Variants in KCNQ1OT1 observed in about 807,000 individuals in gnomAD.
KCNQ1OT1 encodes the protein KCNQ1 opposite strand/antisense transcript 1.
Position 2,659,531 on chromosome 11 carries a change from A to G in KCNQ1OT1, n.40464T>C. On this transcript the variant is annotated non_coding_transcript_exon_variant, in exon 1 of 1. Transcript: ENST00000597346. This position sits in a 1 kb window ranked among gnomAD's most constrained non-coding sequence, Gnocchi z 4.3. Reference sequence around the variant, plus strand: ...GTTGAAGGACATCTTCATTGTTTCCAGTATTTGGTAATTATGAGCAGAGTT... The same window carrying G: ...GTTGAAGGACATCTTCATTGTTTCCGGTATTTGGTAATTATGAGCAGAGTT... 2.5e-6 allele frequency: 1 copy of G among 398,526 alleles called. No homozygotes were observed. Among genetic ancestry groups the G allele is most frequent in the East Asian group, 3.6e-5 (1 of 28,050 alleles). 24.7% of individuals were successfully genotyped at this position (398,526 alleles called of 1,614,324 possible). A position where few individuals can be genotyped will look rare whatever the true frequency, so the allele number is the denominator to read the frequency against.
chr11:2,640,632 G>A (rs1849559132), exon 1 of KCNQ1OT1: 2 of 397,592 alleles, frequency 5.0e-6, no homozygotes, highest in Non-Finnish European at 8.9e-6. Context: ...TGCATCGAAT[G>A]TGTAATGATC....
At chr11:2,686,173 G>A in exon 1 of KCNQ1OT1, 1 of 398,918 alleles carries the variant, frequency 2.5e-6, no homozygotes, top group East Asian at 3.6e-5. Flanking sequence ...TGAGAGCACA[G>A]CAATGCCTAC....
rs1292080598 is a variant in KCNQ1OT1 at position 2,642,614 on chromosome 11, G to A, written n.57381C>T. ...GTTATTTTGTTTCTTTTCAAAAACC[G>A]ATTTTGCATTTCATTGATCCTTTAT... On this transcript the variant is annotated non_coding_transcript_exon_variant, in exon 1 of 1. Transcript: ENST00000597346. The surrounding 1 kb of genome is among the most constrained non-coding windows in gnomAD (Gnocchi z 4.3). 7.5e-6 allele frequency: 3 copies of A among 397,664 alleles called. No individual in the cohort carries two copies. The highest frequency in any genetic ancestry group is 7.2e-5 in the East Asian group (2 of 27,916). 24.6% of individuals were successfully genotyped at this position (397,664 alleles called of 1,614,324 possible). A position where few individuals can be genotyped will look rare whatever the true frequency, so the allele number is the denominator to read the frequency against.
In KCNQ1OT1 at chr11:2,663,820, G is replaced by C. The variant is rs1850013231; in HGVS notation, n.36175C>G. ...ACCACTATGGGGGTGAGGGCTGCCA[G>C]TGCTGGTATCAGCACATGCCAAGCT... On this transcript the variant is annotated non_coding_transcript_exon_variant, in exon 1 of 1. Transcript: ENST00000597346. The surrounding 1 kb of genome is among the most constrained non-coding windows in gnomAD (Gnocchi z 5.2). The C allele has an allele frequency of 1.3e-5, 5 of 398,472 alleles. No homozygotes were observed. The Admixed American group carries it at 1.3e-4, about 11-fold the overall frequency. 24.7% of individuals were successfully genotyped at this position (398,472 alleles called of 1,614,324 possible). A position where few individuals can be genotyped will look rare whatever the true frequency, so the allele number is the denominator to read the frequency against.
rs1564847436 is a variant in KCNQ1OT1, at chr11:2,657,533, C to T, written n.42462G>A. 1 of 398,528 alleles carries T rather than the reference C, an allele frequency of 2.5e-6. No individual in the cohort carries two copies. The highest frequency in any genetic ancestry group is 4.4e-6 in the Non-Finnish European group (1 of 226,046). 24.7% of individuals were successfully genotyped at this position (398,528 alleles called of 1,614,324 possible). A position where few individuals can be genotyped will look rare whatever the true frequency, so the allele number is the denominator to read the frequency against. On this transcript the variant is annotated non_coding_transcript_exon_variant, in exon 1 of 1. Transcript: ENST00000597346. This position sits in a 1 kb window ranked among gnomAD's most constrained non-coding sequence, Gnocchi z 4.8. ...GAGAAACAAAAATAGTACCGAGTAC[C>T]CACATCCCTTTCACCAGCTTCCCCT...
Position 2,651,835 on chromosome 11 carries a change from C to T in KCNQ1OT1, n.48160G>A, listed in dbSNP as rs1849760816. ...TGGAATGGAGCCCACAGGACCATACCAGACAGATGCCACCACATCTTTTCT... is the reference window on the plus strand; with the variant it reads ...TGGAATGGAGCCCACAGGACCATACTAGACAGATGCCACCACATCTTTTCT... On this transcript the variant is annotated non_coding_transcript_exon_variant, in exon 1 of 1. Transcript: ENST00000597346. This position sits in a 1 kb window ranked among gnomAD's most constrained non-coding sequence, Gnocchi z 6.1. The T allele has an allele frequency of 1.0e-5, 4 of 398,524 alleles. No individual in the cohort carries two copies. In the East Asian group the frequency reaches 1.4e-4, roughly 14 times the overall value. 24.7% of individuals were successfully genotyped at this position (398,524 alleles called of 1,614,324 possible).
In KCNQ1OT1 at chr11:2,623,046, G is replaced by C; in HGVS notation, n.76949C>G. On this transcript the variant is annotated non_coding_transcript_exon_variant, in exon 1 of 1. Coordinates refer to ENST00000597346, the Ensembl canonical transcript of KCNQ1OT1. This position sits in a 1 kb window ranked among gnomAD's most constrained non-coding sequence, Gnocchi z 5.2. ...TGTCAGGGGAGGGGCCTGGTGGGGGGCAAACTTCCCCCTTGCTGTTCTCAT... is the reference window on the plus strand; with the variant it reads ...TGTCAGGGGAGGGGCCTGGTGGGGGCCAAACTTCCCCCTTGCTGTTCTCAT... 2.5e-6 allele frequency: 1 copy of C among 398,632 alleles called. No homozygotes were observed. The highest frequency in any genetic ancestry group is 4.4e-6 in the Non-Finnish European group (1 of 226,126). The allele number at this position is 398,632 out of a possible 1,614,324, so 24.7% of individuals were successfully genotyped here.
At chr11:2,618,124 C>T (rs185216188) in exon 1 of KCNQ1OT1, 35 of 398,366 alleles carry the variant, frequency 8.8e-5, no homozygotes, top group African/African-American at 7.0e-4. Context: ...GAGCTTTTCC[C>T]CTATGTTTTC....
chr11:2,686,364 G>A (rs968889377), exon 1 of KCNQ1OT1: 1 of 398,506 alleles, frequency 2.5e-6, no homozygotes, highest in African/African-American at 2.1e-5. Context: ...TGCTCACTTG[G>A]GCTTATCAGC....
At position 2,624,836 on chromosome 11, in the gene KCNQ1OT1, G is replaced by T; in HGVS notation, n.75159C>A. On this transcript the variant is annotated non_coding_transcript_exon_variant, in exon 1 of 1. Coordinates refer to ENST00000597346, the Ensembl canonical transcript of KCNQ1OT1. The surrounding 1 kb of genome is among the most constrained non-coding windows in gnomAD (Gnocchi z 4.9). ...TACCTCATATAAGTGGAAACATACAGTACTTCTCTTCTTGTGACTGCTGTA... is the reference window on the plus strand; with the variant it reads ...TACCTCATATAAGTGGAAACATACATTACTTCTCTTCTTGTGACTGCTGTA... 2.5e-6 allele frequency: 1 copy of T among 398,484 alleles called. No homozygotes were observed. The highest frequency in any genetic ancestry group is 3.6e-5 in the East Asian group (1 of 28,066). 24.7% of individuals were successfully genotyped at this position (398,484 alleles called of 1,614,324 possible). A position where few individuals can be genotyped will look rare whatever the true frequency, so the allele number is the denominator to read the frequency against.
Position 2,612,506 on chromosome 11 carries a change from C to T in KCNQ1OT1, n.87489G>A, listed in dbSNP as rs1848997930. 1 of 398,464 alleles carries T rather than the reference C, an allele frequency of 2.5e-6. No homozygotes were observed. Among genetic ancestry groups the T allele is most frequent in the Non-Finnish European group, 4.4e-6 (1 of 226,070 alleles). 24.7% of individuals were successfully genotyped at this position (398,464 alleles called of 1,614,324 possible). A position where few individuals can be genotyped will look rare whatever the true frequency, so the allele number is the denominator to read the frequency against. On this transcript the variant is annotated non_coding_transcript_exon_variant, in exon 1 of 1. Coordinates refer to ENST00000597346, the Ensembl canonical transcript of KCNQ1OT1. The surrounding 1 kb of genome is among the most constrained non-coding windows in gnomAD (Gnocchi z 5.5). ...CGTTGAAGTTCATTGATTCTTTCTT[C>T]TGCCAGGTCAAATTTGCTTAGCCGC...
chr11:2,699,889 CCACGCTGAGAGGCACCCCGGCAGAAT>C (rs1850764193), exon 1 of KCNQ1OT1: 1 of 398,370 alleles, frequency 2.5e-6, no homozygotes. Context: ...CCGGGGAGGA[CCACGCTGAGAGGCACCCCGGCAGAAT>C]CGCGCTGAGG....
At chr11:2,616,752 T>C (rs1849071464) in exon 1 of KCNQ1OT1, 1 of 398,172 alleles carries the variant, frequency 2.5e-6, no homozygotes, top group South Asian at 1.3e-4. Flanking sequence ...AGAGAAGATA[T>C]TTTGTATGAT....
chr11:2,636,820 T>C (rs11529576), exon 1 of KCNQ1OT1: 1 of 152,196 alleles, frequency 6.6e-6, no homozygotes, highest in Non-Finnish European at 1.5e-5. Flanking sequence ...GGTCCTGGAC[T>C]TTTTTTGGTT....
Position 2,659,676 on chromosome 11 carries a change from A to T in KCNQ1OT1, n.40319T>A, listed in dbSNP as rs570671393. ...TAACTTAATAAGAAATTGCTAAACT[A>T]TTTCCTAAAGTCACTGTGCCATTTT... On this transcript the variant is annotated non_coding_transcript_exon_variant, in exon 1 of 1. Coordinates refer to ENST00000597346, the Ensembl canonical transcript of KCNQ1OT1. The surrounding 1 kb of genome is among the most constrained non-coding windows in gnomAD (Gnocchi z 4.3). 4 of 398,510 alleles carry T rather than the reference A, an allele frequency of 1.0e-5. No homozygotes were observed. The South Asian group carries it at 5.1e-4, about 51-fold the overall frequency. 24.7% of individuals were successfully genotyped at this position (398,510 alleles called of 1,614,324 possible).
At chr11:2,630,238 G>C in exon 1 of KCNQ1OT1, 1 of 398,060 alleles carries the variant, frequency 2.5e-6, no homozygotes, top group Non-Finnish European at 4.4e-6. Flanking sequence ...ACACTTAACT[G>C]TCCTTATGTA....
In KCNQ1OT1 at chr11:2,623,889, C is replaced by A. The variant is rs1347025146; in HGVS notation, n.76106G>T. ...TCTTCGGGGGATATGTATACACATT[C>A]AGAAGTGGAATTGATGGATCCTATG... On this transcript the variant is annotated non_coding_transcript_exon_variant, in exon 1 of 1. Coordinates refer to ENST00000597346, the Ensembl canonical transcript of KCNQ1OT1. The surrounding 1 kb of genome is among the most constrained non-coding windows in gnomAD (Gnocchi z 5.2). 1 of 398,452 alleles carries A rather than the reference C, an allele frequency of 2.5e-6. No homozygotes were observed. Among genetic ancestry groups the A allele is most frequent in the Non-Finnish European group, 4.4e-6 (1 of 226,058 alleles). The allele number at this position is 398,452 out of a possible 1,614,324, so 24.7% of individuals were successfully genotyped here.
At chr11:2,609,443 T>C (rs1025158609) in exon 1 of KCNQ1OT1, 1 of 398,336 alleles carries the variant, frequency 2.5e-6, no homozygotes, top group African/African-American at 2.1e-5. Flanking sequence ...ACTTAGCATA[T>C]GGTCCTTCTT....
At position 2,645,854 on chromosome 11, in the gene KCNQ1OT1, G is replaced by T; in HGVS notation, n.54141C>A. 2.5e-6 allele frequency: 1 copy of T among 398,654 alleles called. No homozygotes were observed. The highest frequency in any genetic ancestry group is 1.3e-4 in the South Asian group (1 of 7,836). 24.7% of individuals were successfully genotyped at this position (398,654 alleles called of 1,614,324 possible). ...TTGCCTGAGGATTCAGGGGATGTGT[G>T]AATTGCCTGAGGATTCAGGGTGATC... On this transcript the variant is annotated non_coding_transcript_exon_variant, in exon 1 of 1. Coordinates refer to ENST00000597346, the Ensembl canonical transcript of KCNQ1OT1. The surrounding 1 kb of genome is among the most constrained non-coding windows in gnomAD (Gnocchi z 5.8).
Sources: gnomAD v4.1 joint callset for allele counts on GRCh38, gnomAD v4.1.1 for gene constraint, Gnocchi (gnomAD v3.1) non-coding constraint, MANE v1.5 for transcripts, NCBI Gene and HGNC (gene_info 2026-07-23, HGNC 2026-07-21) for gene names.